Variants in DSCAML1 observed in about 807,000 individuals in gnomAD.
The protein encoded by DSCAML1 is DS cell adhesion molecule like 1, also known as cell adhesion molecule DSCAML1.
A neutral mutation model predicts 200.5 loss-of-function variants in DSCAML1; 38 were observed. The ratio of observed to expected loss-of-function variants is 0.19; its 90% CI spans 0.15 to 0.25. DSCAML1 has a LOEUF of 0.25. DSCAML1 is among the 10% of genes least tolerant of loss of function. The pLI, the probability that DSCAML1 is intolerant of heterozygous loss-of-function variation, is 1.00. For synonymous variants in DSCAML1, 1,215 were observed against 1,165.0 expected, an observed-to-expected ratio of 1.04 and a Z score of -0.87; for missense variants, 2,223 against 2,858.8, an observed-to-expected ratio of 0.78 and a Z score of 5.07.
rs759583361 is a variant in DSCAML1 at position 117,780,672 on chromosome 11, G to A, written c.185C>T (p.Ala62Val). The A allele has an allele frequency of 1.3e-5, 20 of 1,594,064 alleles. No homozygotes were observed. Among genetic ancestry groups the A allele is most frequent in the Non-Finnish European group, 1.5e-5 (17 of 1,169,084 alleles). Residue 62 changes from alanine to valine, a missense_variant, in exon 2 of 33, where the codon GCC becomes GTC. By Grantham distance (64) the Ala-to-Val change is moderately conservative. Around this residue, in one of 7 missense-constraint regions of DSCAML1, gnomAD observed 579 missense variants for 721.5 expected, o/e 0.80. Transcript: ENST00000651296. This position sits in a 1 kb window ranked among gnomAD's most constrained non-coding sequence, Gnocchi z 4.8. Reference sequence around the variant, plus strand: ...CACGTCGTAGATGTCGTCCCCTGTGGCCAGGTACCATCGAAGGGCCGCGCT... The same window carrying A: ...CACGTCGTAGATGTCGTCCCCTGTGACCAGGTACCATCGAAGGGCCGCGCT... ...SPSAALRWYL[A>V]TGDDIYDVPH... is the part of the protein sequence containing the mutation.
chr11:117,605,555 C>T (rs549311902), intron 3 of DSCAML1, among the ~76,000 whole-genome samples: 97 of 152,298 alleles, frequency 6.4e-4, no homozygotes, highest in South Asian at 2.3e-3. Flanking sequence ...GTCCTGGGCA[C>T]GTGGAGTCTG....
Position 117,780,237 on chromosome 11 carries a change from AAAG to A in DSCAML1, c.364+253_364+255del, listed in dbSNP as rs2055215839. 3.2e-5 allele frequency among the ~76,000 whole-genome samples: 2 copies of A among 61,892 alleles called. No individual in the cohort carries two copies. The highest frequency in any genetic ancestry group is 6.9e-5 in the Non-Finnish European group (2 of 28,788). 40.6% of individuals were successfully genotyped at this position (61,892 alleles called of 152,430 possible). On this transcript the variant is annotated intron_variant, in intron 2 of 32. Transcript: ENST00000651296. The surrounding 1 kb of genome is among the most constrained non-coding windows in gnomAD (Gnocchi z 4.8). ...AGAGAGAGAAAGAAAGAAAGGAAAGAAAGAAAGAAAGAAAGAAAGAAAGAAAGA... is the reference window on the plus strand; with the variant it reads ...AGAGAGAGAAAGAAAGAAAGGAAAGAAAAGAAAGAAAGAAAGAAAGAAAGA...
At chr11:117,467,189 A>ACC (rs2048596489) in intron 16 of DSCAML1, among the ~76,000 whole-genome samples, 11 of 118,462 alleles carry the variant, frequency 9.3e-5, no homozygotes, top group East Asian at 6.8e-4. Flanking sequence ...GCGCGTGCAC[A>ACC]CACACCTCCC....
intron 4 of DSCAML1, among the ~76,000 whole-genome samples, chr11:117,528,290 G>A (rs371560226): frequency 5.3e-5 from 8 of 152,152 alleles, no homozygotes; most frequent in Admixed American, 1.3e-4. Flanking sequence ...ATTTACAAGC[G>A]GAGGGGCCAT....
chr11:117,774,766 C>T (rs1469990006), intron 3 of DSCAML1, among the ~76,000 whole-genome samples: 1 of 152,164 alleles, frequency 6.6e-6, no homozygotes, highest in Non-Finnish European at 1.5e-5. Flanking sequence ...GGGTTAAGCA[C>T]ACAGGTTGAA....
intron 3 of DSCAML1, among the ~76,000 whole-genome samples, chr11:117,691,291 G>A (rs746517296): frequency 2.0e-5 from 3 of 152,070 alleles, no homozygotes; most frequent in African/African-American, 7.3e-5. Flanking sequence ...TGAGTAACAG[G>A]GACCCTGGAG....
rs1555194692 is a variant in DSCAML1, at chr11:117,650,698, T to TGC, written c.512-118177_512-118176insGC. Among the ~76,000 whole-genome samples, 65 of 106,436 alleles carry TGC rather than the reference T, an allele frequency of 6.1e-4. 1 individual carries two copies. Among genetic ancestry groups the TGC allele is most frequent in the South Asian group, 6.7e-4 (2 of 2,976 alleles). 69.8% of individuals were successfully genotyped at this position (106,436 alleles called of 152,430 possible). A position where few individuals can be genotyped will look rare whatever the true frequency, so the allele number is the denominator to read the frequency against. On this transcript the variant is annotated intron_variant, in intron 3 of 32. Coordinates refer to ENST00000651296, the MANE Select transcript of DSCAML1 (RefSeq NM_020693.4). ...GTGTGTGTGTGTGTGTGTGTGTGTGTGTGCGTGTGTGTGTGTGGTGGGGAT... is the reference window on the plus strand; with the variant it reads ...GTGTGTGTGTGTGTGTGTGTGTGTGTGCGTGCGTGTGTGTGTGTGGTGGGGAT...
At chr11:117,595,298 A>C (rs1375971732) in intron 3 of DSCAML1, among the ~76,000 whole-genome samples, 1 of 152,182 alleles carries the variant, frequency 6.6e-6, no homozygotes, top group South Asian at 2.1e-4. Flanking sequence ...ATAGAATACC[A>C]ATTTGTTGTA....
At chr11:117,658,660 C>T (rs541233862) in intron 3 of DSCAML1, among the ~76,000 whole-genome samples, 63 of 152,344 alleles carry the variant, frequency 4.1e-4, no homozygotes, top group African/African-American at 1.5e-3. Context: ...AAAAGGTTAA[C>T]ATCTCAGAAG....
intron 1 of DSCAML1, among the ~76,000 whole-genome samples, chr11:117,815,292 G>A (rs1401059126): frequency 1.3e-5 from 2 of 152,180 alleles, no homozygotes; most frequent in Non-Finnish European, 2.9e-5. Context: ...CTGAAGCTTG[G>A]GACTTTTGTC....
chr11:117,578,184 G>A (rs1275003686), intron 3 of DSCAML1, among the ~76,000 whole-genome samples: 1 of 138,662 alleles, frequency 7.2e-6, no homozygotes, highest in Non-Finnish European at 1.5e-5. Flanking sequence ...GCAGTGAGCC[G>A]AGATTGTGCC....
chr11:117,437,358 T>C lies in DSCAML1; in HGVS notation c.4484A>G (p.His1495Arg). 1 of 1,614,122 alleles carries C rather than the reference T, an allele frequency of 6.2e-7. No homozygotes were observed. The highest frequency in any genetic ancestry group is 1.1e-5 in the South Asian group (1 of 91,072). ...CCAGCCCTGCAGGTTAAGCCGAGCA[T>C]GCGTGGAGTTGATGTGGGTGAAGAG... The part of the protein sequence containing the change: ...QHLFTHINST[H>R]ARLNLQGWNN... The change falls in exon 26 of 33, where the codon CAT becomes CGT. Residue 1495 changes from histidine to arginine, a missense_variant. Physicochemically the swap from His to Arg is conservative, Grantham distance 29 (BLOSUM62 0). Transcript: ENST00000651296. This position sits in a 1 kb window ranked among gnomAD's most constrained non-coding sequence, Gnocchi z 5.3.
At chr11:117,532,543 T>C (rs764765120) in intron 3 of DSCAML1, 21 bp from the exon 4 acceptor site, 19 of 1,608,008 alleles carry the variant, frequency 1.2e-5, no homozygotes, top group Non-Finnish European at 1.6e-5. Flanking sequence ...AATCAGGACA[T>C]AGTTCGTTAC....
intron 3 of DSCAML1, among the ~76,000 whole-genome samples, chr11:117,608,330 G>A (rs971749223): frequency 6.6e-6 from 1 of 152,046 alleles, no homozygotes; most frequent in Non-Finnish European, 1.5e-5. Context: ...TAAAAATGAA[G>A]CACGCTTATT....
At chr11:117,759,828 G>T (rs1171733273) in intron 3 of DSCAML1, among the ~76,000 whole-genome samples, 1 of 152,092 alleles carries the variant, frequency 6.6e-6, no homozygotes, top group Non-Finnish European at 1.5e-5. Context: ...CATTAAACTG[G>T]GAAACAGATT....
At chr11:117,671,998 G>C (rs984858926) in intron 3 of DSCAML1, among the ~76,000 whole-genome samples, 3 of 151,792 alleles carry the variant, frequency 2.0e-5, no homozygotes, top group African/African-American at 7.3e-5. Flanking sequence ...CTACTCGGGA[G>C]GGTGAGGCAG....
Position 117,504,970 on chromosome 11 carries a change from C to A in DSCAML1, c.2136G>T (p.Ser712=). 6.2e-7 allele frequency: 1 copy of A among 1,611,774 alleles called. No individual in the cohort carries two copies. Among genetic ancestry groups the A allele is most frequent in the Non-Finnish European group, 8.5e-7 (1 of 1,178,616 alleles). Residue 712 remains serine (S), a synonymous_variant, in exon 10 of 33, where the codon TCG becomes TCT. Coordinates refer to ENST00000651296, the MANE Select transcript of DSCAML1 (RefSeq NM_020693.4). The surrounding 1 kb of genome is among the most constrained non-coding windows in gnomAD (Gnocchi z 5.0). ...IYGKAGVLNC[S]VDGYPPPKVM... Reference sequence around the variant, plus strand: ...CCTTGGGTGGGGGGTAGCCGTCCACCGAGCAGTTGAGCACACCAGCTTTGC... The same window carrying A: ...CCTTGGGTGGGGGGTAGCCGTCCACAGAGCAGTTGAGCACACCAGCTTTGC...
intron 5 of DSCAML1, among the ~76,000 whole-genome samples, chr11:117,523,268 T>C (rs539677423): frequency 7.6e-4 from 116 of 152,044 alleles, no homozygotes; most frequent in African/African-American, 2.6e-3. Context: ...CCTTCTGACC[T>C]ATTTGGAGAG....
intron 3 of DSCAML1, among the ~76,000 whole-genome samples, chr11:117,570,822 G>T (rs2050836867): frequency 6.6e-6 from 1 of 152,228 alleles, no homozygotes; most frequent in African/African-American, 2.4e-5. Flanking sequence ...GGGAGGTCCA[G>T]CTAAGACACT....
Sources: allele counts gnomAD v4.1 joint callset (sites outside exome capture counted in the v4.1 genomes callset), GRCh38; gene constraint gnomAD v4.1.1; regional missense constraint gnomAD v4.1.1; non-coding constraint Gnocchi (gnomAD v3.1); transcripts MANE v1.5; gene names NCBI Gene and HGNC (gene_info 2026-07-23, HGNC 2026-07-21).